SMG1: variants seen among roughly 807,000 people sequenced by gnomAD.
SMG1 encodes the protein serine/threonine-protein kinase SMG1.
SMG1 carries 22 observed loss-of-function variants against 419.9 expected under a neutral mutation model. That is an observed-to-expected ratio of 0.05 (90% CI 0.04 to 0.07). The LOEUF (loss-of-function observed/expected upper bound fraction) is 0.07. Among genes scored for constraint, SMG1 ranks in the 10% least tolerant of loss-of-function variants. The pLI is 1.00. For missense variants in SMG1, 3,185 were observed against 4,342.0 expected (o/e 0.73, Z 7.49); for synonymous variants, 1,538 against 1,553.5 (o/e 0.99, Z 0.23).
intron 60 of SMG1, 140 bp downstream of exon 60, chr16:18,815,035 A>G (rs2031870511): frequency 1.6e-6 from 1 of 625,764 alleles, no homozygotes. Flanking sequence ...ATTTTTAAGG[A>G]TAAGCTAAAA....
At position 18,864,034 on chromosome 16, in the gene SMG1, C is replaced by T. The variant is rs369216210; in HGVS notation, c.3461G>A (p.Arg1154His). 4.6e-5 allele frequency: 71 copies of T among 1,550,038 alleles called. No homozygotes were observed. Among genetic ancestry groups the T allele is most frequent in the Admixed American group, 3.9e-4 (20 of 51,002 alleles). Reference protein sequence around the residue: ...KSVLTLANAGRNSASPKHSLN... With the variant: ...KSVLTLANAGHNSASPKHSLN... ...AGAATGTTTCGGGCTGGCACTGTTA[C>T]GCCCAGCATTGGCTAAGGTGAGCAC... is the stretch of plus-strand genomic sequence containing the variant. Residue 1154 changes from arginine to histidine, a missense_variant, in exon 24 of 63, where the codon CGT (arginine) becomes CAT (histidine). Around this residue, in one of 27 missense-constraint regions of SMG1, gnomAD observed 121 missense variants for 125.4 expected, o/e 0.96. Transcript: ENST00000446231.
In SMG1 at chr16:18,876,664, G is replaced by T. The variant is rs939862599; in HGVS notation, c.1621-271C>A. Reference sequence around the variant, plus strand: ...TCAATATGAAATTTCCGAAATGGCCGTTTTTTTTTTTTTTTAAATAATCAA... The same window carrying T: ...TCAATATGAAATTTCCGAAATGGCCTTTTTTTTTTTTTTTTAAATAATCAA... On this transcript the variant is annotated intron_variant, in intron 12 of 62. Coordinates refer to ENST00000446231, the MANE Select transcript of SMG1 (RefSeq NM_015092.5). 9.4e-3 allele frequency among the ~76,000 whole-genome samples: 1,187 copies of T among 125,740 alleles called. 14 individuals carry two copies. The highest frequency in any genetic ancestry group is 0.029 in the African/African-American group (1,135 of 39,012). The allele number at this position is 125,740 out of a possible 152,430, so 82.5% of individuals were successfully genotyped here.
chr16:18,847,658 C>T (rs1307343537), intron 37 of SMG1, 51 bp from the exon 38 acceptor site: 4 of 1,609,146 alleles, frequency 2.5e-6, no homozygotes, highest in Non-Finnish European at 1.7e-6. Flanking sequence ...ATGCACAGCA[C>T]AGCTCTTCAA....
In SMG1 at chr16:18,869,319, T is replaced by G; in HGVS notation, c.2634-16A>C. 1.3e-6 allele frequency: 2 copies of G among 1,599,106 alleles called. No homozygotes were observed. The highest frequency in any genetic ancestry group is 8.5e-7 in the Non-Finnish European group (1 of 1,171,562). ...ATTGTCCTTCCTGGGAAAAGCAGTT[T>G]CATATTTAAAAGACAATGACAACTT... On this transcript the variant is annotated splice_polypyrimidine_tract_variant and intron_variant, in intron 19 of 62. Transcript: ENST00000446231.
intron 49 of SMG1, 111 bp downstream of exon 49, chr16:18,834,781 A>G: frequency 8.5e-7 from 1 of 1,179,982 alleles, no homozygotes; most frequent in Non-Finnish European, 1.2e-6. Flanking sequence ...TCTGAAAAGC[A>G]AGTAAGCAGC....
At chr16:18,888,636 T>G (rs1264898802) in intron 6 of SMG1, among the ~76,000 whole-genome samples, 1 of 151,656 alleles carries the variant, frequency 6.6e-6, no homozygotes, top group East Asian at 1.9e-4. Context: ...CCTGGCTAAT[T>G]TTTGTATTGT....
chr16:18,841,529 AAT>A lies in SMG1; in HGVS notation c.6696+34_6696+35del, dbSNP rs754579509. Reference sequence around the variant, plus strand: ...ACAAGTATTTCACATAATAACAGAGAATAGACTAATACACTGTGTAGATGATT... The same window carrying A: ...ACAAGTATTTCACATAATAACAGAGAAGACTAATACACTGTGTAGATGATT... On this transcript the variant is annotated intron_variant, in intron 41 of 62. Transcript: ENST00000446231. The A allele has an allele frequency of 6.1e-5, 95 of 1,569,330 alleles. 2 individuals carry two copies. The South Asian group carries it at 1.0e-3, about 16-fold the overall frequency.
chr16:18,880,834 G>C (rs1160239537), intron 10 of SMG1, among the ~76,000 whole-genome samples: 6 of 151,260 alleles, frequency 4.0e-5, no homozygotes, highest in Non-Finnish European at 7.4e-5. Context: ...AAAAGTTCAA[G>C]ACCAGCCTGG....
chr16:18,880,858 C>T (rs973770772), intron 10 of SMG1, among the ~76,000 whole-genome samples: 1 of 151,368 alleles, frequency 6.6e-6, no homozygotes, highest in South Asian at 2.1e-4. Context: ...ACACTGAGAC[C>T]CCATCTCTAC....
chr16:18,814,710 G>T (rs1047945466), intron 60 of SMG1, among the ~76,000 whole-genome samples: 1 of 149,060 alleles, frequency 6.7e-6, no homozygotes, highest in Admixed American at 6.8e-5. Context: ...GAGTAGCTGG[G>T]ACTACAAGCA....
intron 1 of SMG1, among the ~76,000 whole-genome samples, chr16:18,921,426 T>C (rs1043148167): frequency 6.6e-6 from 1 of 152,194 alleles, no homozygotes; most frequent in Non-Finnish European, 1.5e-5. Flanking sequence ...TTTTTTAGTT[T>C]ATTATGGCTG....
intron 42 of SMG1, 84 bp downstream of exon 42, chr16:18,839,614 G>A: frequency 6.5e-7 from 1 of 1,542,112 alleles, no homozygotes; most frequent in Non-Finnish European, 8.9e-7. Flanking sequence ...AGGAAGGAAG[G>A]GAAGGAGGAC....
At position 18,884,171 on chromosome 16, in the gene SMG1, G is replaced by C; in HGVS notation, c.1022-4C>G. The C allele has an allele frequency of 1.4e-6, 2 of 1,477,970 alleles. No individual in the cohort carries two copies. The highest frequency in any genetic ancestry group is 1.9e-6 in the Non-Finnish European group (2 of 1,073,584). The allele number at this position is 1,477,970 out of a possible 1,614,324, so 91.6% of individuals were successfully genotyped here. On this transcript the variant is annotated splice_polypyrimidine_tract_variant and splice_region_variant and intron_variant, in intron 8 of 62. Coordinates refer to ENST00000446231, the MANE Select transcript of SMG1 (RefSeq NM_015092.5). ...GGCTCCAAACTCTGCAACCACCCTTGGAATCGTATAAGAAATTGTGAAAGG... is the reference window on the plus strand; with the variant it reads ...GGCTCCAAACTCTGCAACCACCCTTCGAATCGTATAAGAAATTGTGAAAGG...
intron 1 of SMG1, among the ~76,000 whole-genome samples, chr16:18,908,820 C>A (rs1164612304): frequency 1.3e-5 from 2 of 149,530 alleles, no homozygotes; most frequent in African/African-American, 2.5e-5. Flanking sequence ...GTGGAGCATG[C>A]AGTAAGCTGA....
intron 31 of SMG1, 120 bp from the exon 32 acceptor site, chr16:18,852,582 C>T (rs1023437643): frequency 2.5e-6 from 2 of 791,268 alleles, no homozygotes; most frequent in African/African-American, 1.8e-5. Context: ...TCAAAAGTTC[C>T]AAAATATTAC....
intron 39 of SMG1, among the ~76,000 whole-genome samples, chr16:18,844,570 T>TCTCACACACACACACA (rs148412501): frequency 2.3e-5 from 2 of 88,522 alleles, no homozygotes; most frequent in Non-Finnish European, 4.3e-5. Context: ...CATCCTTCTC[T>TCTCACACACACACACA]CACACACACA....
At chr16:18,902,735 C>G (rs1479201002) in intron 1 of SMG1, among the ~76,000 whole-genome samples, 1 of 151,452 alleles carries the variant, frequency 6.6e-6, no homozygotes, top group Non-Finnish European at 1.5e-5. Context: ...GTCTTGGGAA[C>G]CCCCAAACTT....
In SMG1 at chr16:18,811,886, A is replaced by G. The variant is rs1321957111; in HGVS notation, c.10802-19T>C. 6.2e-7 allele frequency: 1 copy of G among 1,613,572 alleles called. No individual in the cohort carries two copies. Among genetic ancestry groups the G allele is most frequent in the South Asian group, 1.1e-5 (1 of 90,982 alleles). On this transcript the variant is annotated intron_variant, in intron 61 of 62. Transcript: ENST00000446231. ...TGCACCGCTATGAAGCAACAAAAAC[A>G]TACGTAAGTCAAACCGTCATTTTAT...
In SMG1 at chr16:18,847,930, A is replaced by G; in HGVS notation, c.5727T>C (p.Asp1909=). The change falls in exon 37 of 63, where the codon GAT becomes GAC. Residue 1909 remains aspartate, a synonymous_variant. Coordinates refer to ENST00000446231, the MANE Select transcript of SMG1 (RefSeq NM_015092.5). ...CACTTTTAGGTTCATCCTTATTGCT[A>G]TCCTGAGATGCAGGAGGACTTCCTC... The part of the protein sequence containing the change: ...CEGGSPPASQ[D]SNKDEPKSGL... 6.2e-7 allele frequency: 1 copy of G among 1,614,016 alleles called. No individual in the cohort carries two copies. The highest frequency in any genetic ancestry group is 8.5e-7 in the Non-Finnish European group (1 of 1,179,888).
Sources: allele counts gnomAD v4.1 joint callset (sites outside exome capture counted in the v4.1 genomes callset), GRCh38; gene constraint gnomAD v4.1.1; regional missense constraint gnomAD v4.1.1; transcripts MANE v1.5; gene names NCBI Gene and HGNC (gene_info 2026-07-23, HGNC 2026-07-21).